Variants in LDHB observed in about 807,000 individuals in gnomAD.
LDHB encodes lactate dehydrogenase B.
A neutral mutation model predicts 33.4 loss-of-function variants in LDHB; 18 were observed. The observed-to-expected ratio is 0.54, with a 90% CI of 0.37 to 0.80. The LOEUF (loss-of-function observed/expected upper bound fraction) is 0.80, where lower values mean the gene tolerates loss of function less well. LDHB is among the 30% of genes least tolerant of loss of function. LDHB has a pLI of 0.00. For missense variants in LDHB, 345 were observed against 407.9 expected, an observed-to-expected ratio of 0.85 and a Z score of 1.33; for synonymous variants, 121 against 140.6, an observed-to-expected ratio of 0.86 and a Z score of 0.98.
At chr12:21,637,416 C>CT (rs1938248869) in intron 6 of LDHB, 1 of 425,404 alleles carries the variant, frequency 2.4e-6, no homozygotes, top group South Asian at 3.9e-5. Flanking sequence ...TGCTTGATAA[C>CT]TTTAGTTTAT....
In LDHB at chr12:21,657,814, T is replaced by G. The variant is rs1186086943; in HGVS notation, c.-70A>C. On this transcript the variant is annotated 5_prime_UTR_variant, in exon 1 of 8. Coordinates refer to ENST00000350669, the MANE Select transcript of LDHB (RefSeq NM_002300.8). Reference sequence around the variant, plus strand: ...TGCGGAGAAGACAAAGTCAGCTGCGTGCGTCTCCTCCGGCGCCGGCTCTGC... The same window carrying G: ...TGCGGAGAAGACAAAGTCAGCTGCGGGCGTCTCCTCCGGCGCCGGCTCTGC... 3 of 152,554 alleles carry G rather than the reference T, an allele frequency of 2.0e-5. No homozygotes were observed. The highest frequency in any genetic ancestry group is 3.9e-4 in the East Asian group (2 of 5,176). 9.5% of individuals were successfully genotyped at this position (152,554 alleles called of 1,614,324 possible). A position where few individuals can be genotyped will look rare whatever the true frequency, so the allele number is the denominator to read the frequency against.
At chr12:21,642,999 T>C (rs1407826344) in intron 4 of LDHB, among the ~76,000 whole-genome samples, 1 of 152,256 alleles carries the variant, frequency 6.6e-6, no homozygotes, top group Admixed American at 6.5e-5. Flanking sequence ...ACTTACTATG[T>C]GCTAGCTACT....
At chr12:21,657,480 G>A (rs1009930460) in intron 1 of LDHB, 1 of 152,368 alleles carries the variant, frequency 6.6e-6, no homozygotes, top group Non-Finnish European at 1.5e-5. Context: ...AGGACAAGTA[G>A]GGCCTGGTTT....
At chr12:21,638,670 A>T (rs1303060685) in intron 5 of LDHB, 200 bp from the exon 6 acceptor site, 1 of 556,120 alleles carries the variant, frequency 1.8e-6, no homozygotes, top group Non-Finnish European at 3.2e-6. Context: ...AACATGTCTG[A>T]CCTTTTAACT....
intron 2 of LDHB, among the ~76,000 whole-genome samples, chr12:21,649,452 A>AT (rs1938620201): frequency 1.3e-5 from 2 of 152,230 alleles, no homozygotes; most frequent in Non-Finnish European, 2.9e-5. Flanking sequence ...GTATTCACAT[A>AT]TTTTATACAA....
In LDHB at chr12:21,654,603, C is replaced by G; in HGVS notation, c.69G>C (p.Lys23Asn). ...CTTGTCCAACACCCACTACAGTGAT[C>G]TTATTGTTTGGAACTGTTGCCTCTT... The part of the protein sequence containing the change: ...AEEEATVPNN[K>N]ITVVGVGQVG... Residue 23 changes from lysine (K) to asparagine (N), a missense_variant, in exon 2 of 8, where the codon AAG becomes AAC. Lys to Asn is a moderately conservative substitution (Grantham distance 94). Coordinates refer to ENST00000350669, the MANE Select transcript of LDHB (RefSeq NM_002300.8). The G allele has an allele frequency of 6.2e-7, 1 of 1,614,102 alleles. No homozygotes were observed. Among genetic ancestry groups the G allele is most frequent in the Middle Eastern group, 1.6e-4 (1 of 6,062 alleles).
intron 1 of LDHB, among the ~76,000 whole-genome samples, chr12:21,655,982 C>T (rs1650318): frequency 0.94 from 143,902 of 152,286 alleles, 68,496 homozygotes; most frequent in East Asian, 1. Flanking sequence ...ATTGTAGTAG[C>T]CCATTGTAAT....
rs751351202 is a variant in LDHB, at chr12:21,654,509, C to A, written c.129+34G>T. 11 of 1,608,930 alleles carry A rather than the reference C, an allele frequency of 6.8e-6. No homozygotes were observed. In the South Asian group the frequency reaches 1.2e-4, roughly 18 times the overall value. ...AAAGAAACTGTGTATACATGCTGAA[C>A]TTCTCTATCATCTATGGTGTTCTTG... On this transcript the variant is annotated intron_variant, in intron 2 of 7. Transcript: ENST00000350669.
At chr12:21,636,066 T>C (rs1210069021) in intron 7 of LDHB, among the ~76,000 whole-genome samples, 1 of 152,128 alleles carries the variant, frequency 6.6e-6, no homozygotes, top group Non-Finnish European at 1.5e-5. Flanking sequence ...ATGAGAAAAT[T>C]AGATATTTGT....
chr12:21,643,809 T>A, intron 4 of LDHB, 126 bp downstream of exon 4: 2 of 760,284 alleles, frequency 2.6e-6, no homozygotes, highest in East Asian at 5.2e-5. Flanking sequence ...TTAGGGCCAA[T>A]GAAAGAAGAC....
chr12:21,648,209 T>C (rs948105747), intron 2 of LDHB, among the ~76,000 whole-genome samples: 1 of 152,088 alleles, frequency 6.6e-6, no homozygotes, highest in East Asian at 1.9e-4. Flanking sequence ...AGCAAAAATA[T>C]CAGCTAAGTA....
chr12:21,642,180 A>G (rs1938394334), intron 4 of LDHB, 55 bp from the exon 5 acceptor site: 1 of 1,366,862 alleles, frequency 7.3e-7, no homozygotes, highest in South Asian at 1.2e-5. Flanking sequence ...TTCAACTGTT[A>G]GGCAGCTTGG....
rs374761135 is a variant in LDHB at position 21,644,446 on chromosome 12, C to CAAAA, written c.248-342_248-339dup. Among the ~76,000 whole-genome samples, 513 of 108,848 alleles carry CAAAA rather than the reference C, an allele frequency of 4.7e-3. 9 individuals are homozygous for CAAAA. Among genetic ancestry groups the CAAAA allele is most frequent in the Non-Finnish European group, 7.6e-3 (412 of 53,884 alleles). The allele number at this position is 108,848 out of a possible 152,430, so 71.4% of individuals were successfully genotyped here. On this transcript the variant is annotated intron_variant, in intron 3 of 7. Transcript: ENST00000350669. ...CATCAAAAAAAAAAAAAAAAAAAAA[C>CAAAA]AAAAACAAAAACCAATTTTAAGTTA...
chr12:21,651,009 T>A (rs1048910158), intron 2 of LDHB, among the ~76,000 whole-genome samples: 11 of 152,212 alleles, frequency 7.2e-5, no homozygotes, highest in African/African-American at 2.4e-4. Context: ...TGCAGTAAGA[T>A]CTGAATGATA....
Position 21,654,685 on chromosome 12 carries a change from G to C in LDHB, c.-6-8C>G, listed in dbSNP as rs779473881. On this transcript the variant is annotated splice_region_variant and splice_polypyrimidine_tract_variant and intron_variant, in intron 1 of 7. Transcript: ENST00000350669. The stretch of plus-strand genomic sequence containing the variant: ...AAGAGTTGCCATTTTGCACTGCAAG[G>C]AAAGAATCAAAACATTACACGTATA... 4.3e-6 allele frequency: 7 copies of C among 1,609,674 alleles called. No individual in the cohort carries two copies. Among genetic ancestry groups the C allele is most frequent in the Non-Finnish European group, 6.0e-6 (7 of 1,175,976 alleles).
chr12:21,650,421 C>T (rs906163299), intron 2 of LDHB, among the ~76,000 whole-genome samples: 5 of 152,132 alleles, frequency 3.3e-5, no homozygotes, highest in South Asian at 2.1e-4. Flanking sequence ...TGCAATTTGT[C>T]GTTGTACCTA....
At chr12:21,651,479 T>C (rs570822101) in intron 2 of LDHB, among the ~76,000 whole-genome samples, 67 of 152,314 alleles carry the variant, frequency 4.4e-4, no homozygotes, top group Middle Eastern at 3.4e-3. Context: ...ATCTGGCTAA[T>C]GCATGTCCCT....
At chr12:21,648,645 C>G (rs74758658) in intron 2 of LDHB, among the ~76,000 whole-genome samples, 5,560 of 152,182 alleles carry the variant, frequency 0.037, 176 homozygotes, top group Admixed American at 0.095. Context: ...GACGGAGATG[C>G]AGCAAAGAGC....
Position 21,649,275 on chromosome 12 carries a change from G to A in LDHB, c.130-2259C>T, listed in dbSNP as rs547622282. On this transcript the variant is annotated intron_variant, in intron 2 of 7. Coordinates refer to ENST00000350669, the MANE Select transcript of LDHB (RefSeq NM_002300.8). Reference sequence around the variant, plus strand: ...TCAGTGGGTGTAGAGAATTGCCTGAGAAGTGCATATTCGGCTGAAAAGGAA... The same window carrying A: ...TCAGTGGGTGTAGAGAATTGCCTGAAAAGTGCATATTCGGCTGAAAAGGAA... Among the ~76,000 whole-genome samples the A allele has an allele frequency of 1.6e-4, 24 of 152,274 alleles. No homozygotes were observed. The South Asian group carries it at 4.6e-3, about 29-fold the overall frequency.
Sources: allele counts gnomAD v4.1 joint callset (sites outside exome capture counted in the v4.1 genomes callset), GRCh38; gene constraint gnomAD v4.1.1; transcripts MANE v1.5; gene names NCBI Gene and HGNC (gene_info 2026-07-23, HGNC 2026-07-21).